ITFG2: variants seen among roughly 807,000 people sequenced by gnomAD.
The protein encoded by ITFG2 is KICSTOR complex protein ITFG2.
ITFG2 carries 36 observed loss-of-function variants against 54.4 expected under a neutral mutation model. The observed-to-expected ratio is 0.66, with a 90% CI of 0.51 to 0.87. The LOEUF (loss-of-function observed/expected upper bound fraction) is 0.87, where lower values mean the gene tolerates loss of function less well. Ranked by LOEUF, ITFG2 falls within the 40% of genes least tolerant of loss-of-function variation. The pLI, the probability that ITFG2 is intolerant of heterozygous loss-of-function variation, is 0.00. For synonymous variants in ITFG2, 211 were observed against 225.4 expected, an observed-to-expected ratio of 0.94 and a Z score of 0.57; for missense variants, 524 against 576.7, an observed-to-expected ratio of 0.91 and a Z score of 0.94.
intron 2 of ITFG2, among the ~76,000 whole-genome samples, chr12:2,853,578 T>C (rs2098078044): frequency 6.6e-6 from 1 of 151,984 alleles, no homozygotes; most frequent in Admixed American, 6.6e-5. Flanking sequence ...CGGCCTGTTT[T>C]TTTTGTTGTT....
chr12:2,850,475 CAAAA>C (rs1275655927), intron 2 of ITFG2, among the ~76,000 whole-genome samples: 1 of 70,662 alleles, frequency 1.4e-5, no homozygotes, highest in Non-Finnish European at 2.9e-5. Flanking sequence ...GACTCTGTCT[CAAAA>C]AAAAAAAAAA....
chr12:2,854,855 AG>A lies in ITFG2; in HGVS notation n.301-3154del, dbSNP rs1023329790. 8.7e-6 allele frequency: 13 copies of A among 1,497,436 alleles called. No homozygotes were observed. In the African/African-American group the frequency reaches 1.5e-4, roughly 18 times the overall value. 92.8% of individuals were successfully genotyped at this position (1,497,436 alleles called of 1,614,324 possible). A position where few individuals can be genotyped will look rare whatever the true frequency, so the allele number is the denominator to read the frequency against. ...TGAGAGAGGGAGGGGTCACCTGGGC[AG>A]GGCAGGCTGGGTGGGCTCCCTGAGG... On this transcript the variant is annotated intron_variant and non_coding_transcript_variant, in intron 2 of 3. Transcript: ENST00000537710.
chr12:2,854,840 A>T, intron 2 of ITFG2: 19 of 1,460,398 alleles, frequency 1.3e-5, no homozygotes, highest in Non-Finnish European at 1.7e-5. Flanking sequence ...TGAGAGAGGG[A>T]GGGGTCACCT....
upstream of ITFG2, among the ~76,000 whole-genome samples, chr12:2,832,057 A>C (rs2098005908): frequency 6.6e-6 from 1 of 152,114 alleles, no homozygotes; most frequent in African/African-American, 2.4e-5. Flanking sequence ...TTGCTACTCC[A>C]AAATGTGGTC....
downstream of ITFG2, chr12:2,827,698 C>T (rs368189033): frequency 6.8e-6 from 11 of 1,613,786 alleles, no homozygotes; most frequent in African/African-American, 1.5e-4. This position sits in a 1 kb window ranked among gnomAD's most constrained non-coding sequence, Gnocchi z 4.0. Context: ...AATTTGAAAA[C>T]AGAAGAGGCT....
upstream of ITFG2, chr12:2,835,630 A>C (rs1287372425): frequency 6.6e-6 from 1 of 152,246 alleles, no homozygotes; most frequent in Non-Finnish European, 1.5e-5. Flanking sequence ...AGTCTCCTTT[A>C]TATGACTCTC....
chr12:2,822,934 C>T lies in ITFG2; in HGVS notation c.1066+23C>T, dbSNP rs774926583. Reference sequence around the variant, plus strand: ...CAGGTGACCCCCGCCCCCATGGCCCCTTTCTAACCACACTTAAGTTAGATA... The same window carrying T: ...CAGGTGACCCCCGCCCCCATGGCCCTTTTCTAACCACACTTAAGTTAGATA... On this transcript the variant is annotated intron_variant, in intron 10 of 11. Transcript: ENST00000228799. 2.5e-6 allele frequency: 4 copies of T among 1,574,484 alleles called. No individual in the cohort carries two copies. In the East Asian group the frequency reaches 9.0e-5, roughly 35 times the overall value.
intron 2 of ITFG2, chr12:2,830,561 A>G (rs2153926086): frequency 1.3e-6 from 1 of 767,388 alleles, no homozygotes; most frequent in Non-Finnish European, 2.1e-6. Context: ...GGAAGGAGGT[A>G]GAGGATCCTG....
chr12:2,822,631 T>G (rs115538460), intron 9 of ITFG2, among the ~76,000 whole-genome samples, 163 bp from the exon 10 acceptor site: 4,550 of 152,168 alleles, frequency 0.03, 219 homozygotes, highest in African/African-American at 0.1. Flanking sequence ...AGTATAAAAT[T>G]GCCTACTTCC....
intron 2 of ITFG2, among the ~76,000 whole-genome samples, chr12:2,842,969 C>T (rs946843680): frequency 6.6e-6 from 1 of 152,158 alleles, no homozygotes; most frequent in African/African-American, 2.4e-5. Context: ...CATAGCCGTT[C>T]ATGCCTTCAG....
upstream of ITFG2, chr12:2,834,908 GTC>G (rs750711688): frequency 1.5e-5 from 25 of 1,613,668 alleles, no homozygotes; most frequent in East Asian, 5.1e-4. Flanking sequence ...CTTCCTGCCT[GTC>G]TCTGTCCCGT....
At chr12:2,818,527 C>A in intron 4 of ITFG2, 1 of 579,832 alleles carries the variant, frequency 1.7e-6, no homozygotes, top group Non-Finnish European at 2.9e-6. Context: ...GCTAGGTGTG[C>A]TGCCTCTCGC....
chr12:2,855,416 A>AG, intron 2 of ITFG2: 1 of 329,200 alleles, frequency 3.0e-6, no homozygotes, highest in Non-Finnish European at 6.1e-6. Context: ...CACGTTTGGG[A>AG]GGGTGGGAGG....
chr12:2,843,009 C>A (rs902138840), intron 2 of ITFG2, among the ~76,000 whole-genome samples: 4 of 152,150 alleles, frequency 2.6e-5, no homozygotes, highest in African/African-American at 9.7e-5. Flanking sequence ...ACATTCTTTC[C>A]TCAAGGCTGA....
intron 2 of ITFG2, chr12:2,830,799 T>TC (rs1282131603): frequency 6.2e-7 from 1 of 1,613,676 alleles, no homozygotes; most frequent in Admixed American, 1.7e-5. Context: ...CCGGGGAGGC[T>TC]CCCCCTGAAG....
rs761398198 is a variant in ITFG2 at position 2,812,765 on chromosome 12, G to C, written c.5G>C (p.Arg2Thr). The C allele has an allele frequency of 6.2e-7, 1 of 1,609,018 alleles. No individual in the cohort carries two copies. Among genetic ancestry groups the C allele is most frequent in the Non-Finnish European group, 8.5e-7 (1 of 1,175,660 alleles). Residue 2 changes from arginine (R) to threonine (T), a missense_variant, in exon 1 of 12, where the codon AGG becomes ACG. Arg to Thr is a moderately conservative substitution (Grantham distance 71, BLOSUM62 -1). Coordinates refer to ENST00000228799, the MANE Select transcript of ITFG2 (RefSeq NM_018463.4). The stretch of plus-strand genomic sequence containing the variant: ...CCCTCTGCTCTTGGAGGTGCCATGA[G>C]GTCAGTTAGCTACGTGCAGCGCGTG... M[R>T]SVSYVQRVAL... is the part of the protein sequence containing the mutation.
intron 4 of ITFG2, among the ~76,000 whole-genome samples, chr12:2,818,959 A>G (rs112855296): frequency 6.6e-6 from 1 of 151,930 alleles, no homozygotes; most frequent in Admixed American, 6.6e-5. Context: ...CGGATGTTGC[A>G]GTGACCCAGG....
At chr12:2,827,412 TC>T (rs1565424873), downstream of ITFG2, 1 of 1,518,990 alleles carries the variant, frequency 6.6e-7, no homozygotes, top group Non-Finnish European at 8.8e-7. The surrounding 1 kb of genome is among the most constrained non-coding windows in gnomAD (Gnocchi z 4.0). Context: ...CTTTTGCTCT[TC>T]CCCCATCCCC....
At chr12:2,834,393 A>G (rs1002673120), upstream of ITFG2, among the ~76,000 whole-genome samples, 5 of 152,058 alleles carry the variant, frequency 3.3e-5, no homozygotes, top group African/African-American at 9.7e-5. Flanking sequence ...CACCACCCTC[A>G]AGTTTGGGGC....
Sources: allele counts gnomAD v4.1 joint callset (sites outside exome capture counted in the v4.1 genomes callset), GRCh38; gene constraint gnomAD v4.1.1; non-coding constraint Gnocchi (gnomAD v3.1); transcripts MANE v1.5; gene names NCBI Gene and HGNC (gene_info 2026-07-23, HGNC 2026-07-21).